SFI1: variants seen among roughly 807,000 people sequenced by gnomAD.
The protein encoded by SFI1 is protein SFI1 homolog.
Under a neutral mutation model 207.5 loss-of-function variants are expected in SFI1, and 195 were observed. The observed-to-expected ratio is 0.94, with a 90% CI of 0.84 to 1.06. SFI1 has a LOEUF of 1.06. SFI1 is among the 50% of genes least tolerant of loss of function. The pLI is 0.00. For synonymous variants in SFI1, 630 were observed against 598.9 expected, an observed-to-expected ratio of 1.05 and a Z score of -0.76; for missense variants, 1,634 against 1,588.0, an observed-to-expected ratio of 1.03 and a Z score of -0.49.
rs769033915 is a variant in SFI1, at chr22:31,580,266, G to A, written c.1156-6G>A. On this transcript the variant is annotated splice_region_variant and splice_polypyrimidine_tract_variant and intron_variant, in intron 11 of 32. Transcript: ENST00000400288. ...TTGTAATCAGTTGTGTCCTTTCTTT[G>A]CACAGTATTTTTGCTTTAGAGCCCT... 1.2e-6 allele frequency: 2 copies of A among 1,610,822 alleles called. No homozygotes were observed. The highest frequency in any genetic ancestry group is 2.2e-5 in the South Asian group (2 of 91,000).
intron 9 of SFI1, among the ~76,000 whole-genome samples, chr22:31,573,949 C>T (rs982789303): frequency 1.3e-5 from 2 of 152,074 alleles, no homozygotes; most frequent in Non-Finnish European, 2.9e-5. Flanking sequence ...TATACTTAGC[C>T]ATTCTCCTAT....
At chr22:31,569,414 C>T (rs185839971) in intron 8 of SFI1, among the ~76,000 whole-genome samples, 1,779 of 152,172 alleles carry the variant, frequency 0.012, 9 homozygotes, top group Middle Eastern at 0.024. Flanking sequence ...AAGCCTAATG[C>T]AAATCTCTCA....
In SFI1 at chr22:31,575,382, C is replaced by A; in HGVS notation, c.1074C>A (p.His358Gln). 3 of 1,606,914 alleles carry A rather than the reference C, an allele frequency of 1.9e-6. No individual in the cohort carries two copies. Among genetic ancestry groups the A allele is most frequent in the Non-Finnish European group, 2.5e-6 (3 of 1,176,838 alleles). The change falls in exon 10 of 33, where the codon CAC becomes CAA. Residue 358 changes from histidine (H) to glutamine (Q), a missense_variant. Physicochemically the swap from His to Gln is conservative, Grantham distance 24 (BLOSUM62 0). Coordinates refer to ENST00000400288, the MANE Select transcript of SFI1 (RefSeq NM_001007467.3). ...TGGCCCTGCGGCGCGCCTTTACTCA[C>A]TGGAAACACTGTATCCTTTCAGATA... The part of the protein sequence containing the change: ...RKMALRRAFT[H>Q]WKHYMLLCAE...
At chr22:31,593,186 C>T (rs1218626336) in intron 15 of SFI1, among the ~76,000 whole-genome samples, 1 of 151,408 alleles carries the variant, frequency 6.6e-6, no homozygotes, top group Non-Finnish European at 1.5e-5. Flanking sequence ...GGAGACGCTC[C>T]TCACCTCCCA....
At chr22:31,593,130 G>C (rs2066377301) in intron 15 of SFI1, among the ~76,000 whole-genome samples, 1 of 146,468 alleles carries the variant, frequency 6.8e-6, no homozygotes, top group African/African-American at 2.5e-5. Context: ...CCGGGCGGGG[G>C]GCTGACCCCC....
chr22:31,533,336 T>C (rs936681297), intron 4 of SFI1, among the ~76,000 whole-genome samples: 1 of 152,182 alleles, frequency 6.6e-6, no homozygotes, highest in Admixed American at 6.6e-5. Context: ...GAAACCAACC[T>C]GGCCAACATG....
chr22:31,571,721 T>C (rs2062974119), intron 8 of SFI1, among the ~76,000 whole-genome samples: 1 of 152,170 alleles, frequency 6.6e-6, no homozygotes, highest in Non-Finnish European at 1.5e-5. Context: ...TCTTAAAGTG[T>C]ATATCTCCTA....
intron 12 of SFI1, 68 bp from the exon 13 acceptor site, chr22:31,583,807 T>C (rs1431956041): frequency 7.2e-7 from 1 of 1,386,894 alleles, no homozygotes. Flanking sequence ...CACAGTCTGT[T>C]GGAGTAAGGA....
chr22:31,497,684 C>T (rs1054168752), intron 1 of SFI1, among the ~76,000 whole-genome samples: 1 of 151,578 alleles, frequency 6.6e-6, no homozygotes, highest in Non-Finnish European at 1.5e-5. Flanking sequence ...CTAGAAATGA[C>T]GAAGCTAGAA....
chr22:31,595,377 C>T (rs75785548), intron 15 of SFI1, among the ~76,000 whole-genome samples: 6,901 of 152,302 alleles, frequency 0.045, 140 homozygotes, highest in African/African-American at 0.053. Flanking sequence ...AAAACAAATA[C>T]ATAAACTCAT....
intron 22 of SFI1, among the ~76,000 whole-genome samples, chr22:31,609,148 G>A (rs1324630513): frequency 6.6e-6 from 1 of 152,058 alleles, no homozygotes; most frequent in Non-Finnish European, 1.5e-5. Context: ...ACAGGTGTGT[G>A]CCACCACGCC....
Position 31,558,960 on chromosome 22 carries a change from CA to C in SFI1, c.662+1902del, listed in dbSNP as rs2061421631. Among the ~76,000 whole-genome samples the C allele has an allele frequency of 2.6e-5, 4 of 152,186 alleles. No homozygotes were observed. In the East Asian group the frequency reaches 7.8e-4, roughly 30 times the overall value. On this transcript the variant is annotated intron_variant, in intron 7 of 32. Transcript: ENST00000400288. Reference sequence around the variant, plus strand: ...GCCTCCCAAGTAACTGGGATTACACCATACCTAGCTAATTTTTTGTATTTTT... The same window carrying C: ...GCCTCCCAAGTAACTGGGATTACACCTACCTAGCTAATTTTTTGTATTTTT...
chr22:31,536,404 C>T lies in SFI1; in HGVS notation c.338+5275C>T, dbSNP rs563711577. The stretch of plus-strand genomic sequence containing the variant: ...CTACCTCCACTATTTTCCTAAAATC[C>T]GTTTTATTTATTTATTTATTTTTTG... On this transcript the variant is annotated intron_variant, in intron 4 of 32. Coordinates refer to ENST00000400288, the MANE Select transcript of SFI1 (RefSeq NM_001007467.3). Among the ~76,000 whole-genome samples the T allele has an allele frequency of 3.7e-4, 56 of 152,146 alleles. 1 individual carries two copies. In the South Asian group the frequency reaches 0.011, roughly 30 times the overall value.
intron 9 of SFI1, among the ~76,000 whole-genome samples, chr22:31,573,467 C>T (rs1254925826): frequency 1.2e-4 from 16 of 137,720 alleles, no homozygotes; most frequent in East Asian, 2.1e-4. Context: ...GATGGAGTTT[C>T]GCTCTTGTCA....
In SFI1 at chr22:31,618,456, G is replaced by A; in HGVS notation, c.*38G>A. ...AGGAACGCAGGTGCTGGGCTGTCGG[G>A]GAGGCCTCAGGCCACCTCCAGGAAC... is the stretch of plus-strand genomic sequence containing the variant. On this transcript the variant is annotated 3_prime_UTR_variant, in exon 33 of 33. Transcript: ENST00000400288. 6.7e-7 allele frequency: 1 copy of A among 1,487,900 alleles called. No homozygotes were observed. 92.2% of individuals were successfully genotyped at this position (1,487,900 alleles called of 1,614,324 possible).
intron 4 of SFI1, among the ~76,000 whole-genome samples, chr22:31,541,376 G>A (rs781157057): frequency 5.9e-5 from 9 of 152,064 alleles, no homozygotes; most frequent in Non-Finnish European, 1.0e-4. Flanking sequence ...TACATTTGCT[G>A]TTATTTAATG....
intron 1 of SFI1, among the ~76,000 whole-genome samples, chr22:31,502,266 C>A (rs2053910595): frequency 6.6e-6 from 1 of 152,044 alleles, no homozygotes; most frequent in Non-Finnish European, 1.5e-5. Flanking sequence ...AAATTGGTCT[C>A]CTTATACATC....
rs975999520 is a variant in SFI1 at position 31,529,954 on chromosome 22, A to T, written c.266+1091A>T. Among the ~76,000 whole-genome samples, 4 of 151,558 alleles carry T rather than the reference A, an allele frequency of 2.6e-5. No individual in the cohort carries two copies. In the East Asian group the frequency reaches 7.8e-4, roughly 29 times the overall value. ...GGGAGGCCGAGGCGGGTGGATCACG[A>T]GGTCAGGAGATCGAGACCATCCTGG... is the stretch of plus-strand genomic sequence containing the variant. On this transcript the variant is annotated intron_variant, in intron 3 of 32. Transcript: ENST00000400288.
rs1361215624 is a variant in SFI1 at position 31,596,964 on chromosome 22, ACGG to A, written c.1545-5247_1545-5245del. The stretch of plus-strand genomic sequence containing the variant: ...GCTTCAGTACTGAAAACGCGCACAC[ACGG>A]TACCCGTTTCTAAATGGCTTCAGTA... On this transcript the variant is annotated intron_variant, in intron 15 of 32. Transcript: ENST00000400288. Among the ~76,000 whole-genome samples the A allele has an allele frequency of 1.1e-3, 132 of 119,276 alleles. 1 individual carries two copies. The highest frequency in any genetic ancestry group is 2.2e-3 in the East Asian group (9 of 4,028). The allele number at this position is 119,276 out of a possible 152,430, so 78.2% of individuals were successfully genotyped here. A position where few individuals can be genotyped will look rare whatever the true frequency, so the allele number is the denominator to read the frequency against.
Sources: gnomAD v4.1 joint callset for allele counts (sites outside exome capture counted in the v4.1 genomes callset) on GRCh38, gnomAD v4.1.1 for gene constraint, MANE v1.5 for transcripts, NCBI Gene and HGNC (gene_info 2026-07-23, HGNC 2026-07-21) for gene names.